The following ZNF311 variants were observed in gnomAD, a reference collection of about 807,000 sequenced individuals.
ZNF311 encodes zinc finger protein 311, also known as zinc finger protein zfp31.
In ZNF311, 14 loss-of-function variants were observed where a neutral mutation model predicts 22.7. The ratio of observed to expected loss-of-function variants is 0.62; its 90% CI spans 0.41 to 0.96. The LOEUF is 0.96. ZNF311 is among the 40% of genes least tolerant of loss of function. The pLI, the probability that ZNF311 is intolerant of heterozygous loss-of-function variation, is 0.00. For synonymous variants in ZNF311, 250 were observed against 275.3 expected, an observed-to-expected ratio of 0.91 and a Z score of 0.91; for missense variants, 731 against 799.0, an observed-to-expected ratio of 0.91 and a Z score of 1.03.
At chr6:29,004,261 A>C in intron 1 of ZNF311, 47 bp from the exon 2 acceptor site, 1 of 1,323,910 alleles carries the variant, frequency 7.6e-7, no homozygotes, top group Admixed American at 3.4e-5. Flanking sequence ...ACAGGAAAAA[A>C]TAGGGAGTCA....
At chr6:28,998,613 A>G (rs187178226) in intron 6 of ZNF311, 121 bp downstream of exon 6, 1 of 656,022 alleles carries the variant, frequency 1.5e-6, no homozygotes, top group African/African-American at 1.8e-5. Flanking sequence ...CTTTTCCTTA[A>G]GTTTCCTAAA....
intron 6 of ZNF311, among the ~76,000 whole-genome samples, chr6:28,998,169 G>A (rs1337622043): frequency 7.5e-6 from 1 of 132,674 alleles, no homozygotes; most frequent in Non-Finnish European, 1.5e-5. Flanking sequence ...AATATTCTGA[G>A]ATTTTTTTTT....
rs541288626 is a variant in ZNF311 at position 28,999,266 on chromosome 6, T to A, written c.310+221A>T. Among the ~76,000 whole-genome samples the A allele has an allele frequency of 1.4e-3, 207 of 152,066 alleles. 1 individual carries two copies. The highest frequency in any genetic ancestry group is 4.7e-3 in the African/African-American group (196 of 41,462). ...CCAGGGAAAACAGAAGGTAAATGTC[T>A]CCTTTTAACTCATTCCAAATCAGAA... On this transcript the variant is annotated intron_variant, in intron 5 of 6. Coordinates refer to ENST00000377179, the MANE Select transcript of ZNF311 (RefSeq NM_001382360.1).
chr6:29,003,064 A>T (rs1191758497), intron 3 of ZNF311, among the ~76,000 whole-genome samples: 2 of 152,218 alleles, frequency 1.3e-5, no homozygotes, highest in Non-Finnish European at 1.5e-5. Flanking sequence ...ACATCATTTA[A>T]AAGTATCAGG....
At chr6:28,999,414 T>A (rs932636398) in intron 5 of ZNF311, 73 bp downstream of exon 5, 1 of 1,406,600 alleles carries the variant, frequency 7.1e-7, no homozygotes, top group African/African-American at 1.5e-5. Flanking sequence ...AGACCTTATA[T>A]ACATCAATAA....
In ZNF311 at chr6:28,996,244, C is replaced by T; in HGVS notation, c.758G>A (p.Gly253Asp). The change falls in exon 7 of 7, where the codon GGC (glycine) becomes GAC (aspartate). Residue 253 changes from glycine (G) to aspartate (D), a missense_variant. Coordinates refer to ENST00000377179, the MANE Select transcript of ZNF311 (RefSeq NM_001382360.1). ...ATCTGAGTGCCAACTGAAGTTTTTG[C>T]CACACCTGGCACATTCATGGAGTTT... The part of the protein sequence containing the change: ...AQKLHECARC[G>D]KNFSWHSDLI... The T allele has an allele frequency of 6.2e-7, 1 of 1,613,214 alleles. No individual in the cohort carries two copies. The highest frequency in any genetic ancestry group is 8.5e-7 in the Non-Finnish European group (1 of 1,180,030).
rs777502484 is a variant in ZNF311, at chr6:29,003,594, C to A, written c.10G>T (p.Val4Phe). The change falls in exon 3 of 7, where the codon GTT becomes TTT. Residue 4 changes from valine to phenylalanine, a missense_variant and splice_region_variant. Coordinates refer to ENST00000377179, the MANE Select transcript of ZNF311 (RefSeq NM_001382360.1). ...CCTGAACTCTCATCCAACAGCACAA[C>A]CTATTGCAAGACACAGAATGAATTC... MQE[V>F]VLLDESSGPP... 2.5e-6 allele frequency: 4 copies of A among 1,612,868 alleles called. No individual in the cohort carries two copies. In the African/African-American group the frequency reaches 4.0e-5, roughly 16 times the overall value.
At chr6:29,001,371 A>C (rs9295784) in intron 3 of ZNF311, among the ~76,000 whole-genome samples, 9,944 of 152,242 alleles carry the variant, frequency 0.065, 369 homozygotes, top group African/African-American at 0.099. Flanking sequence ...GAAATTGCCC[A>C]AGAAGACTCT....
rs540375931 is a variant in ZNF311, at chr6:28,999,284, A to T, written c.310+203T>A. 4.9e-4 allele frequency among the ~76,000 whole-genome samples: 75 copies of T among 152,182 alleles called. No homozygotes were observed. In the South Asian group the frequency reaches 0.01, roughly 21 times the overall value. On this transcript the variant is annotated intron_variant, in intron 5 of 6. Transcript: ENST00000377179. ...AAATGTCTCCTTTTAACTCATTCCA[A>T]ATCAGAAAACAGCAACTAGGTTAGC...
At chr6:29,000,188 T>C in intron 3 of ZNF311, 141 bp from the exon 4 acceptor site, 4 of 731,556 alleles carry the variant, frequency 5.5e-6, no homozygotes, top group Non-Finnish European at 8.7e-6. Flanking sequence ...GTATCCTTCC[T>C]CTTCATTATT....
chr6:28,997,753 G>T (rs1289589205), intron 6 of ZNF311, among the ~76,000 whole-genome samples: 1 of 152,178 alleles, frequency 6.6e-6, no homozygotes, highest in Non-Finnish European at 1.5e-5. Flanking sequence ...TCAAATCCTA[G>T]TATGACAGTT....
intron 5 of ZNF311, 53 bp from the exon 6 acceptor site, chr6:28,998,891 A>G: frequency 7.7e-7 from 1 of 1,303,376 alleles, no homozygotes; most frequent in Non-Finnish European, 1.1e-6. Flanking sequence ...TTAATAACTT[A>G]TAACTTAGCT....
At position 28,996,232 on chromosome 6, in the gene ZNF311, C is replaced by G. The variant is rs370813308; in HGVS notation, c.770G>C (p.Ser257Thr). 1 of 1,613,316 alleles carries G rather than the reference C, an allele frequency of 6.2e-7. No homozygotes were observed. ...ATGGAGAATTAGATCTGAGTGCCAA[C>G]TGAAGTTTTTGCCACACCTGGCACA... ...HECARCGKNF[S>T]WHSDLILHEQ... Residue 257 changes from serine (S) to threonine (T), a missense_variant, in exon 7 of 7, where the codon AGT becomes ACT. Transcript: ENST00000377179.
intron 3 of ZNF311, among the ~76,000 whole-genome samples, chr6:29,003,103 T>C (rs1780677864): frequency 6.6e-6 from 1 of 152,198 alleles, no homozygotes; most frequent in Admixed American, 6.5e-5. Context: ...GAAGTAAAAT[T>C]GTATATATTC....
At chr6:29,003,758 G>T in intron 2 of ZNF311, 164 bp from the exon 3 acceptor site, 1 of 1,428,734 alleles carries the variant, frequency 7.0e-7, no homozygotes. Context: ...ATGAAAACTA[G>T]AAATGGCATC....
intron 3 of ZNF311, among the ~76,000 whole-genome samples, chr6:29,000,991 T>C (rs1216345881): frequency 6.6e-6 from 1 of 152,096 alleles, no homozygotes; most frequent in Non-Finnish European, 1.5e-5. Flanking sequence ...TTAGCCAGGA[T>C]GGTCTCCATC....
Position 28,996,111 on chromosome 6 carries a change from G to A in ZNF311, c.891C>T (p.His297=). The part of the protein sequence containing the change: ...RNQLSMHRII[H]TGEKPFNCTQ... ...TGCAATTAAAAGGTTTCTCCCCTGT[G>A]TGGATTATCCGGTGCATAGAAAGCT... Residue 297 remains histidine, a synonymous_variant, in exon 7 of 7, where the codon CAC becomes CAT. Coordinates refer to ENST00000377179, the MANE Select transcript of ZNF311 (RefSeq NM_001382360.1). 6.2e-7 allele frequency: 1 copy of A among 1,613,320 alleles called. No individual in the cohort carries two copies. Among genetic ancestry groups the A allele is most frequent in the Non-Finnish European group, 8.5e-7 (1 of 1,180,018 alleles).
In ZNF311 at chr6:28,995,911, C is replaced by T; in HGVS notation, c.1091G>A (p.Cys364Tyr). ...ATGCTTAAACTGGAAGGCCTTCCCA[C>T]AGCAGTTACATTTGTAAGGCTTCTC... ...TGEKPYKCNC[C>Y]GKAFQFKHSL... The change falls in exon 7 of 7, where the codon TGT becomes TAT. Residue 364 changes from cysteine (C) to tyrosine (Y), a missense_variant. Cys to Tyr is a radical substitution (Grantham distance 194). Transcript: ENST00000377179. The surrounding 1 kb of genome is among the most constrained non-coding windows in gnomAD (Gnocchi z 4.7). 1 of 1,613,956 alleles carries T rather than the reference C, an allele frequency of 6.2e-7. No individual in the cohort carries two copies. The highest frequency in any genetic ancestry group is 8.5e-7 in the Non-Finnish European group (1 of 1,180,034).
rs1779326007 is a variant in ZNF311, at chr6:28,995,332, C to A, written c.1670G>T (p.Cys557Phe). 1.2e-6 allele frequency: 2 copies of A among 1,613,930 alleles called. No individual in the cohort carries two copies. The highest frequency in any genetic ancestry group is 1.7e-6 in the Non-Finnish European group (2 of 1,180,046). ...RIHTGEKPHK[C>F]EVCGMAFHHS... ...ATGGAAGGCCATTCCACATACCTCACATTTGTGAGGCTTCTCTCCAGTGTG... is the reference window on the plus strand; with the variant it reads ...ATGGAAGGCCATTCCACATACCTCAAATTTGTGAGGCTTCTCTCCAGTGTG... The change falls in exon 7 of 7, where the codon TGT becomes TTT. Residue 557 changes from cysteine to phenylalanine, a missense_variant. Cys to Phe is a radical substitution (Grantham distance 205). Transcript: ENST00000377179. This position sits in a 1 kb window ranked among gnomAD's most constrained non-coding sequence, Gnocchi z 4.7.
Sources: gnomAD v4.1 joint callset for allele counts (sites outside exome capture counted in the v4.1 genomes callset) on GRCh38, gnomAD v4.1.1 for gene constraint, Gnocchi (gnomAD v3.1) non-coding constraint, MANE v1.5 for transcripts, NCBI Gene and HGNC (gene_info 2026-07-23, HGNC 2026-07-21) for gene names.